FAAH2: variants seen among roughly 807,000 people sequenced by gnomAD.
FAAH2 encodes the protein fatty acid amide hydrolase 2, also known as fatty-acid amide hydrolase 2.
FAAH2 carries 60 observed loss-of-function variants against 36.9 expected under a neutral mutation model. The observed-to-expected ratio is 1.63, with a 90% CI of 1.32 to 2.02. The LOEUF is 2.02. Ranked by LOEUF, FAAH2 falls within the 30% of genes most tolerant of loss-of-function variation. FAAH2 has a pLI of 0.00. For synonymous variants in FAAH2, 214 were observed against 143.8 expected (o/e 1.49, Z -3.49); for missense variants, 689 against 397.5 (o/e 1.73, Z -6.23).
At chrX:57,473,447 T>C (rs951025173) in intron 10 of FAAH2, among the ~76,000 whole-genome samples, 2 of 111,678 alleles carry the variant, frequency 1.8e-5, no homozygotes, top group Non-Finnish European at 3.8e-5. Flanking sequence ...TGGCCAAGCA[T>C]ATGTTCAATT....
chrX:57,317,120 A>G (rs2052863166), intron 3 of FAAH2, among the ~76,000 whole-genome samples: 1 of 112,338 alleles, frequency 8.9e-6, no homozygotes, highest in African/African-American at 3.2e-5. Context: ...ACAAGTGGCC[A>G]ACAAATATTT....
intron 7 of FAAH2, 104 bp from the exon 8 acceptor site, chrX:57,431,814 T>C (rs1403365346): frequency 1.6e-5 from 4 of 249,454 alleles, no homozygotes; most frequent in Non-Finnish European, 2.5e-5. Flanking sequence ...CATGGGGCAA[T>C]GAGGGCCTGG....
chrX:57,127,344 G>A, the FAAH2 span: 1 of 110,899 alleles, frequency 9.0e-6, no homozygotes, highest in Non-Finnish European at 1.9e-5. Context: ...GAGGTAAAAA[G>A]GCATCATTCT....
chrX:57,394,043 A>G (rs1297467255), intron 7 of FAAH2: 2 of 741,247 alleles, frequency 2.7e-6, no homozygotes, highest in Non-Finnish European at 4.3e-6. Context: ...TGTCTGGGTC[A>G]GTTCATGAAA....
intron 5 of FAAH2, among the ~76,000 whole-genome samples, chrX:57,351,825 C>T (rs987032776): frequency 1.9e-5 from 2 of 104,925 alleles, no homozygotes; most frequent in Admixed American, 2.1e-4. Context: ...CCTGAGGCTG[C>T]TATAGAGTCT....
chrX:57,198,184 C>T, the FAAH2 span, among the ~76,000 whole-genome samples: 3 of 111,564 alleles, frequency 2.7e-5, no homozygotes, highest in African/African-American at 9.8e-5. Flanking sequence ...AGGAAAAGAT[C>T]ATCATCATGT....
rs1157494352 is a variant in FAAH2 at position 57,416,840 on chromosome X, C to G, written c.997-15078C>G. 2.7e-5 allele frequency among the ~76,000 whole-genome samples: 3 copies of G among 112,084 alleles called. No homozygotes were observed. In the East Asian group the frequency reaches 8.4e-4, roughly 31 times the overall value. ...GAGTGTTTTTCAACTTGGTTCCATT[C>G]TCTCTGTCACTTTCTGGTACACCAA... On this transcript the variant is annotated intron_variant, in intron 7 of 10. Transcript: ENST00000374900.
intron 1 of FAAH2, among the ~76,000 whole-genome samples, chrX:57,291,720 A>G (rs770287899): frequency 1.0e-4 from 11 of 109,946 alleles, no homozygotes; most frequent in Non-Finnish European, 2.1e-4. Context: ...TTTGCTTTGC[A>G]ATTTTCTAAT....
intron 2 of FAAH2, among the ~76,000 whole-genome samples, chrX:57,295,915 G>A (rs998625356): frequency 1.7e-4 from 19 of 112,382 alleles, no homozygotes; most frequent in Non-Finnish European, 2.8e-4. Flanking sequence ...GGGGAGGGGC[G>A]CCTTTGCTCA....
At chrX:57,470,909 G>T (rs2057152833) in intron 10 of FAAH2, among the ~76,000 whole-genome samples, 2 of 111,524 alleles carry the variant, frequency 1.8e-5, no homozygotes, top group South Asian at 7.6e-4. Flanking sequence ...GATCAAGTGG[G>T]CTTCATCCCT....
the FAAH2 span, among the ~76,000 whole-genome samples, chrX:57,230,083 C>T: frequency 3.6e-5 from 4 of 111,876 alleles, no homozygotes; most frequent in East Asian, 8.5e-4. Context: ...GTCTCATACT[C>T]GCTTACAACA....
intron 2 of FAAH2, among the ~76,000 whole-genome samples, chrX:57,293,346 A>G (rs1010462641): frequency 8.9e-6 from 1 of 112,489 alleles, no homozygotes; most frequent in African/African-American, 3.2e-5. Context: ...AAACTAGCCA[A>G]TATCATGAAA....
intron 5 of FAAH2, among the ~76,000 whole-genome samples, chrX:57,353,142 G>A (rs1188733756): frequency 9.1e-6 from 1 of 109,583 alleles, no homozygotes; most frequent in Admixed American, 9.8e-5. Flanking sequence ...AATAACTAAA[G>A]TGTTCCTGAG....
In FAAH2 at chrX:57,460,474, A is replaced by C. The variant is rs576015331; in HGVS notation, c.1423+11756A>C. Among the ~76,000 whole-genome samples the C allele has an allele frequency of 1.1e-4, 12 of 112,025 alleles. No homozygotes were observed. In the South Asian group the frequency reaches 4.1e-3, roughly 39 times the overall value. On this transcript the variant is annotated intron_variant, in intron 10 of 10. Coordinates refer to ENST00000374900, the MANE Select transcript of FAAH2 (RefSeq NM_174912.4). ...TAGCAGATGTCTCTGCAGAAACCCT[A>C]CAAGCCAGAAGAGAGTGGGGGCCAG...
intron 2 of FAAH2, among the ~76,000 whole-genome samples, chrX:57,306,898 A>T (rs1399713594): frequency 1.1e-5 from 1 of 88,678 alleles, no homozygotes; most frequent in African/African-American, 3.8e-5. Context: ...CACCATATAT[A>T]CATATATAGT....
At chrX:57,462,202 C>T (rs1417183719) in intron 10 of FAAH2, among the ~76,000 whole-genome samples, 1 of 103,342 alleles carries the variant, frequency 9.7e-6, no homozygotes, top group African/African-American at 3.5e-5. Context: ...GGACCAGACG[C>T]ATTCACATGA....
chrX:57,376,088 C>T (rs958183357), intron 5 of FAAH2, among the ~76,000 whole-genome samples: 3 of 111,246 alleles, frequency 2.7e-5, no homozygotes, highest in African/African-American at 9.8e-5. Flanking sequence ...TATCTTAATC[C>T]TTGTGTCTAT....
chrX:57,348,793 C>T (rs1328007330), intron 5 of FAAH2, among the ~76,000 whole-genome samples: 1 of 109,850 alleles, frequency 9.1e-6, no homozygotes, highest in African/African-American at 3.3e-5. Flanking sequence ...AAAAGTCTCC[C>T]CTAAGGAAAG....
chrX:57,486,863 G>A (rs937242404), intron 10 of FAAH2, among the ~76,000 whole-genome samples: 1 of 111,411 alleles, frequency 9.0e-6, no homozygotes, highest in Non-Finnish European at 1.9e-5. Flanking sequence ...CCAAATTCAG[G>A]GATATTCATG....
Sources: gnomAD v4.1 joint callset for allele counts (sites outside exome capture counted in the v4.1 genomes callset) on GRCh38, gnomAD v4.1.1 for gene constraint, MANE v1.5 for transcripts, NCBI Gene and HGNC (gene_info 2026-07-23, HGNC 2026-07-21) for gene names.